Variants in LDB2 observed in about 807,000 individuals in gnomAD.
The protein encoded by LDB2 is LIM domain-binding protein 2.
LDB2 carries 12 observed loss-of-function variants against 44.3 expected under a neutral mutation model. That is an observed-to-expected ratio of 0.27 (90% CI 0.17 to 0.44). The LOEUF (loss-of-function observed/expected upper bound fraction) is 0.44, where lower values mean the gene tolerates loss of function less well. Among genes scored for constraint, LDB2 ranks in the 20% least tolerant of loss-of-function variants. The pLI is 1.00. For missense variants in LDB2, 344 were observed against 473.5 expected (o/e 0.73, Z 2.54); for synonymous variants, 164 against 174.8 (o/e 0.94, Z 0.49).
chr4:16,679,701 A>G lies in LDB2; in HGVS notation c.235+79457T>C, dbSNP rs374812436. Among the ~76,000 whole-genome samples, 409 of 152,258 alleles carry G rather than the reference A, an allele frequency of 2.7e-3. 1 individual carries two copies. The highest frequency in any genetic ancestry group is 9.1e-3 in the African/African-American group (378 of 41,564). On this transcript the variant is annotated intron_variant, in intron 2 of 7. Coordinates refer to ENST00000304523, the MANE Select transcript of LDB2 (RefSeq NM_001290.5). ...CATCACCATGGCCTCAGGGAAGGCC[A>G]TGAGGAGAAAATGGTGGGGGCAGGG...
intron 1 of LDB2, among the ~76,000 whole-genome samples, chr4:16,887,246 A>G (rs1722037241): frequency 6.6e-6 from 1 of 151,760 alleles, no homozygotes. Flanking sequence ...AAAAAGAATA[A>G]AAAGAAACCT....
chr4:16,745,084 G>A (rs549182840), intron 2 of LDB2, among the ~76,000 whole-genome samples: 34 of 152,344 alleles, frequency 2.2e-4, no homozygotes, highest in African/African-American at 8.2e-4. Flanking sequence ...CTGCAGGACA[G>A]GGTCGTGATT....
At chr4:16,846,357 C>A (rs1787006621) in intron 1 of LDB2, among the ~76,000 whole-genome samples, 1 of 152,162 alleles carries the variant, frequency 6.6e-6, no homozygotes, top group African/African-American at 2.4e-5. Flanking sequence ...CCCAGTGAAT[C>A]CAGGTTTTAA....
chr4:16,743,039 C>A (rs1371820318), intron 2 of LDB2, among the ~76,000 whole-genome samples: 1 of 152,070 alleles, frequency 6.6e-6, no homozygotes, highest in Non-Finnish European at 1.5e-5. Context: ...CCTGTAATCC[C>A]AGCACTTTGG....
At chr4:16,518,600 C>T (rs1365504328) in intron 5 of LDB2, among the ~76,000 whole-genome samples, 2 of 152,240 alleles carry the variant, frequency 1.3e-5, no homozygotes, top group African/African-American at 4.8e-5. Context: ...TCTATAGCTG[C>T]TTTTGTGCTA....
chr4:16,505,360 CGT>C (rs570015306), intron 7 of LDB2, among the ~76,000 whole-genome samples: 70 of 149,478 alleles, frequency 4.7e-4, no homozygotes, highest in African/African-American at 1.4e-3. Context: ...AGAGAGAGAG[CGT>C]GTGTGTGTGT....
At chr4:16,744,541 C>T (rs757013766) in intron 2 of LDB2, among the ~76,000 whole-genome samples, 92 of 152,018 alleles carry the variant, frequency 6.1e-4, no homozygotes, top group Non-Finnish European at 8.2e-4. Flanking sequence ...GTGGCTTGAT[C>T]TCAGCTGACT....
chr4:16,697,718 G>T (rs928313426), intron 2 of LDB2, among the ~76,000 whole-genome samples: 2 of 152,142 alleles, frequency 1.3e-5, no homozygotes, highest in African/African-American at 4.8e-5. Context: ...CTACAGGGAG[G>T]CTCCTCAATT....
At chr4:16,597,192 G>A (rs1355660276) in intron 2 of LDB2, among the ~76,000 whole-genome samples, 3 of 152,210 alleles carry the variant, frequency 2.0e-5, no homozygotes, top group East Asian at 3.9e-4. Context: ...CTGCCAAATT[G>A]TTTTCTGAAA....
intron 2 of LDB2, among the ~76,000 whole-genome samples, chr4:16,750,233 C>T (rs1161095132): frequency 6.6e-6 from 1 of 152,204 alleles, no homozygotes; most frequent in Non-Finnish European, 1.5e-5. Flanking sequence ...TAGTGCACCA[C>T]AGAACTTTGC....
intron 2 of LDB2, among the ~76,000 whole-genome samples, chr4:16,731,525 C>T (rs553014871): frequency 5.9e-5 from 9 of 152,168 alleles, no homozygotes; most frequent in South Asian, 2.1e-4. Flanking sequence ...CCTCTCTCTC[C>T]GCACACATGC....
At chr4:16,571,453 C>CA (rs34875159) in intron 5 of LDB2, among the ~76,000 whole-genome samples, 48,523 of 138,034 alleles carry the variant, frequency 0.35, 9,025 homozygotes, top group Non-Finnish European at 0.44. Flanking sequence ...GGCAATTCGG[C>CA]AAAAAAAAAA....
At chr4:16,751,299 C>T (rs1408524629) in intron 2 of LDB2, among the ~76,000 whole-genome samples, 3 of 152,148 alleles carry the variant, frequency 2.0e-5, no homozygotes, top group Non-Finnish European at 2.9e-5. Context: ...ATATCTGAAA[C>T]GTTAATTATA....
rs1019487844 is a variant in LDB2 at position 16,543,108 on chromosome 4, C to T, written c.616-31004G>A. On this transcript the variant is annotated intron_variant, in intron 5 of 7. Coordinates refer to ENST00000304523, the MANE Select transcript of LDB2 (RefSeq NM_001290.5). ...TCCCTACAAAGGACATGAATTCATC[C>T]TTTTTATGGCTGCATAGTATTCCAT... Among the ~76,000 whole-genome samples, 8 of 152,124 alleles carry T rather than the reference C, an allele frequency of 5.3e-5. No homozygotes were observed. In the East Asian group the frequency reaches 1.4e-3, roughly 26 times the overall value.
At chr4:16,833,045 C>T (rs1284365451) in intron 1 of LDB2, among the ~76,000 whole-genome samples, 1 of 152,146 alleles carries the variant, frequency 6.6e-6, no homozygotes, top group African/African-American at 2.4e-5. Context: ...TCCAATGCTC[C>T]ACTGTTGGAC....
At chr4:16,834,692 T>C (rs1784609814) in intron 1 of LDB2, among the ~76,000 whole-genome samples, 1 of 151,900 alleles carries the variant, frequency 6.6e-6, no homozygotes. Flanking sequence ...CTGGGCATGG[T>C]GGTGTGTGCG....
chr4:16,806,263 T>C (rs897425280), intron 1 of LDB2, among the ~76,000 whole-genome samples: 3 of 152,244 alleles, frequency 2.0e-5, no homozygotes, highest in African/African-American at 7.2e-5. Flanking sequence ...CATATTCCTC[T>C]GTTCTAGCAC....
chr4:16,504,779 C>CAATT (rs142250527), intron 7 of LDB2, among the ~76,000 whole-genome samples: 1,591 of 152,146 alleles, frequency 0.01, 21 homozygotes, highest in African/African-American at 0.036. Flanking sequence ...GAGTTATAGG[C>CAATT]AATTAGGAGA....
chr4:16,817,764 G>C (rs1249974803), intron 1 of LDB2, among the ~76,000 whole-genome samples: 1 of 152,196 alleles, frequency 6.6e-6, no homozygotes, highest in African/African-American at 2.4e-5. Context: ...AGATGAGGAA[G>C]CTGAGGTATA....
Sources: gnomAD v4.1 joint callset for allele counts (sites outside exome capture counted in the v4.1 genomes callset) on GRCh38, gnomAD v4.1.1 for gene constraint, MANE v1.5 for transcripts, NCBI Gene and HGNC (gene_info 2026-07-23, HGNC 2026-07-21) for gene names.